Variants in OR51B5 observed in about 807,000 individuals in gnomAD.
OR51B5 encodes the protein olfactory receptor family 51 subfamily B member 5, also known as olfactory receptor 51B5.
For missense variants in OR51B5, 456 were observed against 374.6 expected (o/e 1.22, Z -1.79); for synonymous variants, 186 against 144.8 (o/e 1.28, Z -2.04).
chr11:5,388,600 T>C (rs924836987), intron 1 of OR51B5, among the ~76,000 whole-genome samples: 1 of 149,032 alleles, frequency 6.7e-6, no homozygotes, highest in African/African-American at 2.5e-5. Context: ...ACCGTGAATA[T>C]ACAGAGGAAA....
chr11:5,426,197 C>G (rs1850448292), intron 1 of OR51B5, among the ~76,000 whole-genome samples: 1 of 152,066 alleles, frequency 6.6e-6, no homozygotes, highest in African/African-American at 2.4e-5. Context: ...CAATGGTAGT[C>G]AAGGTTTTGG....
chr11:5,395,884 C>T (rs958205403), intron 1 of OR51B5, among the ~76,000 whole-genome samples: 17 of 152,184 alleles, frequency 1.1e-4, no homozygotes, highest in African/African-American at 3.9e-4. Context: ...TGCAACATTG[C>T]TCACTGGAAT....
chr11:5,434,951 T>C (rs771223196), intron 1 of OR51B5, among the ~76,000 whole-genome samples: 56 of 152,222 alleles, frequency 3.7e-4, no homozygotes, highest in Admixed American at 1.1e-3. Flanking sequence ...AAGTCGGTTA[T>C]CTTTATTTTT....
At chr11:5,435,401 CTT>C (rs1212156964) in intron 1 of OR51B5, among the ~76,000 whole-genome samples, 1 of 152,122 alleles carries the variant, frequency 6.6e-6, no homozygotes, top group African/African-American at 2.4e-5. Context: ...TTGCAGAACA[CTT>C]ATGTTAATTT....
intron 1 of OR51B5, among the ~76,000 whole-genome samples, chr11:5,481,544 A>C (rs1239663786): frequency 6.7e-6 from 1 of 149,656 alleles, no homozygotes; most frequent in East Asian, 2.0e-4. Context: ...AAGGGTATTC[A>C]AGCAGGAAAA....
intron 1 of OR51B5, chr11:5,430,743 A>C (rs1251627841): frequency 6.6e-6 from 3 of 457,084 alleles, no homozygotes; most frequent in South Asian, 4.6e-5. Context: ...GATTAAGTAC[A>C]GGTGGCACCA....
intron 1 of OR51B5, among the ~76,000 whole-genome samples, chr11:5,376,843 A>T (rs1228386972): frequency 2.0e-5 from 3 of 148,606 alleles, no homozygotes; most frequent in Non-Finnish European, 4.5e-5. Context: ...AAAAGAGTCC[A>T]GGACCAGATG....
At chr11:5,414,664 C>T (rs1004310445) in intron 1 of OR51B5, among the ~76,000 whole-genome samples, 10 of 152,030 alleles carry the variant, frequency 6.6e-5, no homozygotes, top group African/African-American at 2.4e-4. Flanking sequence ...TTTAAACCAA[C>T]AAAGATCAAA....
intron 1 of OR51B5, among the ~76,000 whole-genome samples, chr11:5,384,438 C>G (rs939110155): frequency 2.0e-5 from 3 of 152,120 alleles, no homozygotes; most frequent in Non-Finnish European, 4.4e-5. Context: ...AGAACCAGAG[C>G]CAGAGAAAGA....
chr11:5,356,235 T>A (rs1849193143), intron 1 of OR51B5, among the ~76,000 whole-genome samples: 1 of 151,924 alleles, frequency 6.6e-6, no homozygotes, highest in Non-Finnish European at 1.5e-5. Flanking sequence ...TGAAAATAAA[T>A]TAGACTAATG....
chr11:5,430,982 T>C lies in OR51B5; in HGVS notation n.84+74587A>G, dbSNP rs1454591661. ...ATAAGCAATGAGTCCAGCCCGAAAT[T>C]TGCGAGAACAATGGCTAAGCCCAGG... On this transcript the variant is annotated intron_variant and non_coding_transcript_variant, in intron 1 of 4. Coordinates refer to the OR51B5 transcript ENST00000415970. The C allele has an allele frequency of 6.6e-6, 3 of 456,980 alleles. No homozygotes were observed. In the Admixed American group the frequency reaches 7.0e-5, roughly 11 times the overall value. The allele number at this position is 456,980 out of a possible 1,614,324, so 28.3% of individuals were successfully genotyped here.
intron 1 of OR51B5, among the ~76,000 whole-genome samples, chr11:5,417,418 T>A (rs1365237939): frequency 6.6e-6 from 1 of 151,930 alleles, no homozygotes; most frequent in African/African-American, 2.4e-5. Flanking sequence ...AAAGCCAAAA[T>A]TGACAAATGG....
At chr11:5,356,833 AAG>A (rs1410561460) in intron 1 of OR51B5, among the ~76,000 whole-genome samples, 3 of 126,584 alleles carry the variant, frequency 2.4e-5, no homozygotes, top group Non-Finnish European at 5.3e-5. Flanking sequence ...AACATCCTTA[AAG>A]GAAAGAATTT....
At chr11:5,473,726 T>G (rs1371392679) in intron 1 of OR51B5, among the ~76,000 whole-genome samples, 1 of 152,208 alleles carries the variant, frequency 6.6e-6, no homozygotes, top group Non-Finnish European at 1.5e-5. Flanking sequence ...TATAAATATA[T>G]GTGTGTAATA....
intron 1 of OR51B5, among the ~76,000 whole-genome samples, chr11:5,348,687 C>G (rs1458499691): frequency 6.6e-6 from 1 of 152,040 alleles, no homozygotes; most frequent in Non-Finnish European, 1.5e-5. Context: ...TTCTAGCCGC[C>G]CTGGCAGCTG....
At chr11:5,431,349 G>A (rs565619903) in intron 1 of OR51B5, 8 of 293,436 alleles carry the variant, frequency 2.7e-5, no homozygotes, top group African/African-American at 1.7e-4. Flanking sequence ...ACCAAAGAAT[G>A]CCTGTAACAG....
chr11:5,468,334 T>C (rs80097727), intron 1 of OR51B5, among the ~76,000 whole-genome samples: 10,159 of 152,258 alleles, frequency 0.067, 414 homozygotes, highest in East Asian at 0.16. Flanking sequence ...TTACAAGTTG[T>C]AGCCTGGCTA....
At chr11:5,441,304 T>C (rs750758139) in intron 1 of OR51B5, 50 of 1,613,884 alleles carry the variant, frequency 3.1e-5, no homozygotes, top group Non-Finnish European at 4.2e-5. Context: ...CCCAGATCAT[T>C]GAGAGCGAGC....
intron 1 of OR51B5, among the ~76,000 whole-genome samples, chr11:5,425,990 C>A (rs1850444098): frequency 6.6e-6 from 1 of 152,100 alleles, no homozygotes. Context: ...AATGGATGAT[C>A]AAATTGCAAT....
Sources: gnomAD v4.1 joint callset for allele counts (sites outside exome capture counted in the v4.1 genomes callset) on GRCh38, gnomAD v4.1.1 for gene constraint, MANE v1.5 for transcripts, NCBI Gene and HGNC (gene_info 2026-07-23, HGNC 2026-07-21) for gene names.